DNAJA1: variants seen among roughly 807,000 people sequenced by gnomAD.
DNAJA1 encodes the protein dnaJ homolog subfamily A member 1.
In DNAJA1, 26 loss-of-function variants were observed where a neutral mutation model predicts 47.6. The observed-to-expected ratio is 0.55, with a 90% CI of 0.40 to 0.76. DNAJA1 has a LOEUF of 0.76. Ranked by LOEUF, DNAJA1 falls within the 30% of genes least tolerant of loss-of-function variation. The pLI is 0.00. For synonymous variants in DNAJA1, 165 were observed against 158.4 expected, an observed-to-expected ratio of 1.04 and a Z score of -0.31; for missense variants, 315 against 485.0, an observed-to-expected ratio of 0.65 and a Z score of 3.29.
At chr9:33,033,459 A>C (rs1587699164) in intron 5 of DNAJA1, among the ~76,000 whole-genome samples, 1 of 152,008 alleles carries the variant, frequency 6.6e-6, no homozygotes, top group African/African-American at 2.4e-5. Flanking sequence ...CGAACACTAT[A>C]GGATGCCGAG....
At chr9:33,030,012 T>G in intron 4 of DNAJA1, 23 bp downstream of exon 4, 16 of 1,601,326 alleles carry the variant, frequency 1.0e-5, no homozygotes, top group Non-Finnish European at 1.4e-5. Context: ...TTTGTTTTGT[T>G]TTGTTTTGTT....
In DNAJA1 at chr9:33,033,165, TA is replaced by T. The variant is rs781752458; in HGVS notation, c.644-1036del. Among the ~76,000 whole-genome samples the T allele has an allele frequency of 9.4e-3, 1,297 of 137,522 alleles. 5 individuals are homozygous for T. The highest frequency in any genetic ancestry group is 0.016 in the African/African-American group (618 of 37,608). 90.2% of individuals were successfully genotyped at this position (137,522 alleles called of 152,430 possible). On this transcript the variant is annotated intron_variant, in intron 5 of 8. Coordinates refer to ENST00000330899, the MANE Select transcript of DNAJA1 (RefSeq NM_001539.4). The stretch of plus-strand genomic sequence containing the variant: ...AGGTGAGGGGCACGAAGTCTCAGTT[TA>T]AAAAAAAAAAAAAAGGCGTGTTTTT...
At position 33,037,135 on chromosome 9, in the gene DNAJA1, AAGAATACTTG is replaced by A; in HGVS notation, c.975+25_975+34del. 6.2e-7 allele frequency: 1 copy of A among 1,601,760 alleles called. No individual in the cohort carries two copies. The highest frequency in any genetic ancestry group is 8.5e-7 in the Non-Finnish European group (1 of 1,172,938). ...TTTAAGGTAAGCTGTAATGTACTTT[AAGAATACTTG>A]AGAACAATTGGCTTACTAAAATCTG... On this transcript the variant is annotated intron_variant, in intron 8 of 8. Coordinates refer to ENST00000330899, the MANE Select transcript of DNAJA1 (RefSeq NM_001539.4).
intron 2 of DNAJA1, 80 bp from the exon 3 acceptor site, chr9:33,026,733 T>G (rs1838869229): frequency 1.3e-6 from 2 of 1,573,406 alleles, no homozygotes; most frequent in African/African-American, 2.7e-5. Context: ...TCTCGGCCTT[T>G]TTAGCTAAGA....
intron 4 of DNAJA1, 54 bp downstream of exon 4, chr9:33,030,043 C>A: frequency 6.7e-7 from 1 of 1,498,330 alleles, no homozygotes. Context: ...TTTAATATGA[C>A]ACCTGAAAAT....
intron 8 of DNAJA1, among the ~76,000 whole-genome samples, chr9:33,038,156 C>T (rs2119398742): frequency 6.6e-6 from 1 of 152,162 alleles, no homozygotes; most frequent in South Asian, 2.1e-4. Flanking sequence ...AGGTGCCCGC[C>T]ACCACGCTGG....
In DNAJA1 at chr9:33,026,523, C is replaced by T. The variant is rs1212658598; in HGVS notation, c.39C>T (p.Val13=). 3 of 1,610,698 alleles carry T rather than the reference C, an allele frequency of 1.9e-6. No individual in the cohort carries two copies. Residue 13 remains valine, a synonymous_variant, in exon 2 of 9, where the codon GTC becomes GTT. Coordinates refer to ENST00000330899, the MANE Select transcript of DNAJA1 (RefSeq NM_001539.4). ...KETTYYDVLG[V]KPNATQEELK... Reference sequence around the variant, plus strand: ...CAACTTACTACGATGTTTTGGGGGTCAAACCCAATGCTACTCAGGAAGAAT... The same window carrying T: ...CAACTTACTACGATGTTTTGGGGGTTAAACCCAATGCTACTCAGGAAGAAT...
chr9:33,038,588 A>G, intron 8 of DNAJA1, 97 bp from the exon 9 acceptor site: 1 of 1,080,366 alleles, frequency 9.3e-7, no homozygotes, highest in Non-Finnish European at 1.3e-6. Context: ...CCTAAATATT[A>G]CGTGTTTACA....
intron 1 of DNAJA1, among the ~76,000 whole-genome samples, chr9:33,025,840 C>CT (rs1428409411): frequency 6.6e-6 from 1 of 152,192 alleles, no homozygotes; most frequent in Non-Finnish European, 1.5e-5. Flanking sequence ...GAGGGCTGGG[C>CT]TTTCCCCACC....
In DNAJA1 at chr9:33,026,794, C is replaced by G. The variant is rs759535025; in HGVS notation, c.133-19C>G. The stretch of plus-strand genomic sequence containing the variant: ...CTTGTTTTTTAAAAAATGAAATTCA[C>G]TCCTCTTTTCTCAAACAGTTTAAAC... On this transcript the variant is annotated intron_variant, in intron 2 of 8. Transcript: ENST00000330899. The G allele has an allele frequency of 6.2e-7, 1 of 1,603,252 alleles. No individual in the cohort carries two copies. Among genetic ancestry groups the G allele is most frequent in the Non-Finnish European group, 8.5e-7 (1 of 1,175,872 alleles).
At chr9:33,036,264 TG>T (rs2119394764) in intron 6 of DNAJA1, 2 of 160,816 alleles carry the variant, frequency 1.2e-5, no homozygotes, top group South Asian at 1.3e-4. Context: ...TCTTGTGAGT[TG>T]TTTTTTTTTT....
At position 33,026,888 on chromosome 9, in the gene DNAJA1, C is replaced by G. The variant is rs1035080506; in HGVS notation, c.208C>G (p.Gln70Glu). Residue 70 changes from glutamine (Q) to glutamate (E), a missense_variant, in exon 3 of 9, where the codon CAG becomes GAG. Physicochemically the swap from Gln to Glu is conservative, Grantham distance 29 (BLOSUM62 2). Around this residue, in one of 4 missense-constraint regions of DNAJA1, gnomAD observed 100 missense variants for 163.0 expected, o/e 0.61. Transcript: ENST00000330899. ...GGAATTATATGACAAAGGAGGAGAA[C>G]AGGCAATTAAAGAGGGTGGAGCAGG... ...KRELYDKGGE[Q>E]AIKEGGAGGG... The G allele has an allele frequency of 6.2e-7, 1 of 1,614,156 alleles. No homozygotes were observed. The highest frequency in any genetic ancestry group is 8.5e-7 in the Non-Finnish European group (1 of 1,180,028).
intron 5 of DNAJA1, 48 bp from the exon 6 acceptor site, chr9:33,034,168 C>G: frequency 7.7e-7 from 1 of 1,295,546 alleles, no homozygotes; most frequent in Non-Finnish European, 1.1e-6. Flanking sequence ...TGATTCTGAC[C>G]TTAGTTGGAT....
chr9:33,034,393 T>G, intron 6 of DNAJA1, 63 bp downstream of exon 6: 1 of 1,249,028 alleles, frequency 8.0e-7, no homozygotes, highest in African/African-American at 1.5e-5. Flanking sequence ...TTTTGTTTTT[T>G]GTTTTTTTGT....
chr9:33,031,785 A>G (rs192573329), intron 5 of DNAJA1, among the ~76,000 whole-genome samples: 19 of 152,276 alleles, frequency 1.2e-4, no homozygotes, highest in African/African-American at 3.8e-4. Flanking sequence ...TTGCCCATCT[A>G]TTATATTTAA....
rs536116743 is a variant in DNAJA1 at position 33,028,002 on chromosome 9, GCAA to G, written c.310+1015_310+1017del. On this transcript the variant is annotated intron_variant, in intron 3 of 8. Coordinates refer to ENST00000330899, the MANE Select transcript of DNAJA1 (RefSeq NM_001539.4). ...ATCGCCCAATTACACTCCAGCCTGA[GCAA>G]CACAGCGAGACTCTTGTCTCAAAAA... Among the ~76,000 whole-genome samples, 661 of 125,796 alleles carry G rather than the reference GCAA, an allele frequency of 5.3e-3. 3 individuals are homozygous for G. Among genetic ancestry groups the G allele is most frequent in the Non-Finnish European group, 6.9e-3 (440 of 63,984 alleles). The allele number at this position is 125,796 out of a possible 152,430, so 82.5% of individuals were successfully genotyped here.
chr9:33,026,670 G>C (rs929577917), intron 2 of DNAJA1, 54 bp downstream of exon 2: 3 of 1,574,128 alleles, frequency 1.9e-6, no homozygotes, highest in Non-Finnish European at 2.6e-6. Context: ...CAGACGTATA[G>C]TATTTCTATT....
At chr9:33,031,569 C>A (rs1035710465) in intron 5 of DNAJA1, among the ~76,000 whole-genome samples, 8 of 151,884 alleles carry the variant, frequency 5.3e-5, no homozygotes, top group African/African-American at 1.9e-4. Flanking sequence ...GTAGCTGGGA[C>A]TACAGGTGTG....
At chr9:33,038,200 GC>G (rs1230337094) in intron 8 of DNAJA1, among the ~76,000 whole-genome samples, 1 of 151,996 alleles carries the variant, frequency 6.6e-6, no homozygotes, top group East Asian at 1.9e-4. Flanking sequence ...CACCATATTG[GC>G]CAGGCTGGTC....
Sources: allele counts gnomAD v4.1 joint callset (sites outside exome capture counted in the v4.1 genomes callset), GRCh38; gene constraint gnomAD v4.1.1; regional missense constraint gnomAD v4.1.1; transcripts MANE v1.5; gene names NCBI Gene and HGNC (gene_info 2026-07-23, HGNC 2026-07-21).